Variants in SLC12A6 observed in about 807,000 individuals in gnomAD.
The protein encoded by SLC12A6 is solute carrier family 12 member 6.
Under a neutral mutation model 135.3 loss-of-function variants are expected in SLC12A6, and 66 were observed. The observed-to-expected ratio is 0.49, with a 90% CI of 0.40 to 0.60. The LOEUF is 0.60. Among genes scored for constraint, SLC12A6 ranks in the 20% least tolerant of loss-of-function variants. The pLI is 0.00. For synonymous variants in SLC12A6, 513 were observed against 508.8 expected, an observed-to-expected ratio of 1.01 and a Z score of -0.11; for missense variants, 1,058 against 1,452.3, an observed-to-expected ratio of 0.73 and a Z score of 4.41.
intron 13 of SLC12A6, among the ~76,000 whole-genome samples, chr15:34,247,389 C>A (rs944441124): frequency 3.3e-5 from 5 of 151,426 alleles, no homozygotes; most frequent in African/African-American, 1.2e-4. Context: ...TGGTGGCGGG[C>A]GCCTGTAGTC....
rs551180247 is a variant in SLC12A6, at chr15:34,306,169, A to G, written c.271+30241T>C. Reference sequence around the variant, plus strand: ...ATGGGTTGTTTATCTTTGTCACCTCATGGGGGATGAGATTTAGTTGTTGGA... The same window carrying G: ...ATGGGTTGTTTATCTTTGTCACCTCGTGGGGGATGAGATTTAGTTGTTGGA... On this transcript the variant is annotated intron_variant, in intron 2 of 25. Coordinates refer to ENST00000354181, the MANE Select transcript of SLC12A6 (RefSeq NM_001365088.1). Among the ~76,000 whole-genome samples the G allele has an allele frequency of 3.3e-5, 5 of 152,242 alleles. No individual in the cohort carries two copies. In the East Asian group the frequency reaches 7.7e-4, roughly 23 times the overall value.
At chr15:34,332,788 A>C (rs1889940999) in intron 2 of SLC12A6, among the ~76,000 whole-genome samples, 1 of 152,280 alleles carries the variant, frequency 6.6e-6, no homozygotes, top group African/African-American at 2.4e-5. Context: ...GCCTCAAAAA[A>C]AAAAAAAGAA....
intron 2 of SLC12A6, among the ~76,000 whole-genome samples, chr15:34,293,544 CCTGT>C (rs1308465719): frequency 3.9e-5 from 6 of 152,304 alleles, no homozygotes; most frequent in Admixed American, 1.3e-4. Flanking sequence ...CCTCAGATGA[CCTGT>C]CTGCCTTGGC....
intron 2 of SLC12A6, among the ~76,000 whole-genome samples, chr15:34,290,528 T>C (rs1422881731): frequency 6.6e-6 from 1 of 152,214 alleles, no homozygotes; most frequent in Non-Finnish European, 1.5e-5. Context: ...AGTTCCTGGA[T>C]ATCCTTGTTA....
chr15:34,241,395 AAAAT>A (rs1326157926), intron 17 of SLC12A6, 58 bp from the exon 18 acceptor site: 7 of 937,768 alleles, frequency 7.5e-6, no homozygotes, highest in Non-Finnish European at 1.2e-5. Flanking sequence ...ATAATTTTAA[AAAAT>A]AAAGTTTTTT....
chr15:34,293,041 A>G (rs753130573), intron 2 of SLC12A6, among the ~76,000 whole-genome samples: 4 of 152,124 alleles, frequency 2.6e-5, no homozygotes, highest in East Asian at 1.9e-4. Context: ...ACCAGTCCCA[A>G]TGAGATGAAC....
intron 3 of SLC12A6, among the ~76,000 whole-genome samples, chr15:34,269,793 G>T (rs917221247): frequency 1.3e-5 from 2 of 152,058 alleles, no homozygotes; most frequent in Admixed American, 6.5e-5. Flanking sequence ...CTTCTAGGAG[G>T]GTAGGGAGGA....
At chr15:34,249,102 G>A (rs1892208505) in intron 13 of SLC12A6, among the ~76,000 whole-genome samples, 1 of 152,116 alleles carries the variant, frequency 6.6e-6, no homozygotes, top group South Asian at 2.1e-4. Flanking sequence ...TTGTGTTTTA[G>A]AAAAGTCATT....
intron 22 of SLC12A6, 192 bp downstream of exon 22, chr15:34,237,227 A>G (rs1891324604): frequency 1.9e-6 from 1 of 535,278 alleles, no homozygotes; most frequent in African/African-American, 1.9e-5. Context: ...ACCAAAAAAT[A>G]ACATCAAACA....
chr15:34,257,742 T>G lies in SLC12A6; in HGVS notation c.590A>C (p.Gln197Pro). Residue 197 changes from glutamine to proline, a missense_variant, in exon 6 of 26, where the codon CAA becomes CCA. Coordinates refer to ENST00000354181, the MANE Select transcript of SLC12A6 (RefSeq NM_001365088.1). Reference sequence around the variant, plus strand: ...AAAAAGGATCACTCCAAAAATATTTTGTAGACATGGGAGGTAGACACCCAT... The same window carrying G: ...AAAAAGGATCACTCCAAAAATATTTGGTAGACATGGGAGGTAGACACCCAT... Reference protein sequence around the residue: ...TFMGVYLPCLQNIFGVILFLR... With the variant: ...TFMGVYLPCLPNIFGVILFLR... 14 of 1,610,264 alleles carry G rather than the reference T, an allele frequency of 8.7e-6. No homozygotes were observed. Among genetic ancestry groups the G allele is most frequent in the Non-Finnish European group, 1.2e-5 (14 of 1,176,512 alleles).
rs1892843045 is a variant in SLC12A6 at position 34,257,622 on chromosome 15, G to A, written c.690+20C>T. 6.2e-7 allele frequency: 1 copy of A among 1,609,082 alleles called. No individual in the cohort carries two copies. The highest frequency in any genetic ancestry group is 1.1e-5 in the South Asian group (1 of 90,966). On this transcript the variant is annotated intron_variant, in intron 6 of 25. Transcript: ENST00000354181. ...ACTTGCAACGTTCAGGTGATCTCTA[G>A]GAGCCAGTGCAGTACTTACACAGCA...
chr15:34,308,778 GAAGCA>G (rs1887942108), intron 2 of SLC12A6, among the ~76,000 whole-genome samples: 3 of 151,872 alleles, frequency 2.0e-5, no homozygotes, highest in Admixed American at 6.6e-5. Flanking sequence ...AACGGTAGAA[GAAGCA>G]GTTAACTTTC....
intron 2 of SLC12A6, among the ~76,000 whole-genome samples, chr15:34,308,171 A>G (rs1887866137): frequency 6.6e-6 from 1 of 152,060 alleles, no homozygotes; most frequent in East Asian, 1.9e-4. Context: ...CCATATGCCC[A>G]TTTTTTTCCA....
At chr15:34,287,868 G>T (rs347806) in intron 2 of SLC12A6, among the ~76,000 whole-genome samples, 58,537 of 152,036 alleles carry the variant, frequency 0.39, 14,331 homozygotes, top group African/African-American at 0.71. Flanking sequence ...TTTGTAGATT[G>T]TGGATATTAG....
chr15:34,256,290 A>G lies in SLC12A6; in HGVS notation c.691-7T>C, dbSNP rs1892748326. ...AGATAGCAGTCAACATTGTCTGCAG[A>G]GAAAAGGAAAGGAGAGGATTGTTAC... On this transcript the variant is annotated splice_region_variant and splice_polypyrimidine_tract_variant and intron_variant, in intron 6 of 25. Coordinates refer to ENST00000354181, the MANE Select transcript of SLC12A6 (RefSeq NM_001365088.1). 2 of 1,586,704 alleles carry G rather than the reference A, an allele frequency of 1.3e-6. No individual in the cohort carries two copies. Among genetic ancestry groups the G allele is most frequent in the Non-Finnish European group, 1.7e-6 (2 of 1,155,110 alleles).
chr15:34,300,701 G>A (rs1478580412), intron 2 of SLC12A6, among the ~76,000 whole-genome samples: 2 of 151,378 alleles, frequency 1.3e-5, no homozygotes, highest in African/African-American at 2.4e-5. Flanking sequence ...GCTGAGGCAC[G>A]AGGACTGCCT....
chr15:34,269,845 T>A (rs989155322), intron 3 of SLC12A6, among the ~76,000 whole-genome samples: 2 of 152,190 alleles, frequency 1.3e-5, no homozygotes, highest in Admixed American at 6.5e-5. Flanking sequence ...AGGAGGTACA[T>A]GTCATTGTCA....
chr15:34,336,351 G>A, intron 2 of SLC12A6, 59 bp downstream of exon 2: 1 of 1,304,070 alleles, frequency 7.7e-7, no homozygotes, highest in Non-Finnish European at 1.1e-6. Flanking sequence ...TCCATAGATG[G>A]TCATCTTGGA....
At chr15:34,268,466 G>C (rs560790129) in intron 3 of SLC12A6, among the ~76,000 whole-genome samples, 196 of 152,262 alleles carry the variant, frequency 1.3e-3, no homozygotes, top group African/African-American at 4.4e-3. Context: ...AGTCATGAAA[G>C]GTCAAGGCTT....
Sources: gnomAD v4.1 joint callset for allele counts (sites outside exome capture counted in the v4.1 genomes callset) on GRCh38, gnomAD v4.1.1 for gene constraint, MANE v1.5 for transcripts, NCBI Gene and HGNC (gene_info 2026-07-23, HGNC 2026-07-21) for gene names.